MAGEE1: variants seen among roughly 807,000 people sequenced by gnomAD.
The protein encoded by MAGEE1 is melanoma-associated antigen E1.
A neutral mutation model predicts 12.0 loss-of-function variants in MAGEE1; 3 were observed. The observed-to-expected ratio is 0.25, with a 90% CI of 0.11 to 0.65. MAGEE1 has a LOEUF of 0.65. Ranked by LOEUF, MAGEE1 falls within the 30% of genes least tolerant of loss-of-function variation. The probability of loss-of-function intolerance (pLI) is 0.84; values close to 1 mark genes in which losing one functional copy is unlikely to be tolerated. For missense variants in MAGEE1, 729 were observed against 772.2 expected, an observed-to-expected ratio of 0.94 and a Z score of 0.66; for synonymous variants, 414 against 326.1, an observed-to-expected ratio of 1.27 and a Z score of -2.91.
Position 76,431,183 on chromosome X carries a change from G to T in MAGEE1, c.*379G>T, listed in dbSNP as rs1182602282. The T allele has an allele frequency of 7.0e-6, 1 of 143,742 alleles. No homozygotes were observed. The highest frequency in any genetic ancestry group is 2.1e-4 in the East Asian group (1 of 4,875). The allele number at this position is 143,742 out of a possible 1,213,427, so 11.8% of individuals were successfully genotyped here. On this transcript the variant is annotated 3_prime_UTR_variant, in exon 1 of 1. Coordinates refer to ENST00000361470, the MANE Select transcript of MAGEE1 (RefSeq NM_020932.3). ...CGCCAGTAAAATAATCTAGCTTAAA[G>T]TGATAAACTAACAAACAAATATAAC...
Position 76,427,954 on chromosome X carries a change from G to GCGC in MAGEE1, c.40_42dup (p.Arg14dup), listed in dbSNP as rs782476985. On this transcript the variant is annotated inframe_insertion, in exon 1 of 1. Transcript: ENST00000361470. ...CCATGTCTCTGGTAAGCCAGAATTC[G>GCGC]CGCCGCCGCCGCCGCCGCGTTGCAA... 1.4e-5 allele frequency: 17 copies of GCGC among 1,198,736 alleles called. No homozygotes were observed. The highest frequency in any genetic ancestry group is 3.0e-5 in the East Asian group (1 of 33,663).
Position 76,428,032 on chromosome X carries a change from C to G in MAGEE1, c.102C>G (p.Pro34=), listed in dbSNP as rs1460557371. Residue 34 remains proline (P), a synonymous_variant, in exon 1 of 1, where the codon CCC becomes CCG. Coordinates refer to ENST00000361470, the MANE Select transcript of MAGEE1 (RefSeq NM_020932.3). ...SWGEMQAPNA[P]GLPADVPGSD... is the part of the protein sequence containing the mutation. ...GCGAAATGCAGGCCCCTAATGCCCCCGGTCTCCCCGCTGATGTGCCAGGCT... is the reference window on the plus strand; with the variant it reads ...GCGAAATGCAGGCCCCTAATGCCCCGGGTCTCCCCGCTGATGTGCCAGGCT... 1 of 1,187,892 alleles carries G rather than the reference C, an allele frequency of 8.4e-7. No individual in the cohort carries two copies. The highest frequency in any genetic ancestry group is 1.8e-5 in the South Asian group (1 of 54,458).
chrX:76,430,702 G>A lies in MAGEE1; in HGVS notation c.2772G>A (p.Lys924=), dbSNP rs376923270. 26 of 1,209,381 alleles carry A rather than the reference G, an allele frequency of 2.1e-5. No individual in the cohort carries two copies. The highest frequency in any genetic ancestry group is 2.8e-5 in the Non-Finnish European group (25 of 895,151). ...GATATGTGGCCAGAATCCACAGAAA[G>A]GAACCACAGGACTGGCCACAGCAGT... ...ALRYVARIHR[K]EPQDWPQQYR... is the part of the protein sequence containing the mutation. Residue 924 remains lysine, a synonymous_variant, in exon 1 of 1, where the codon AAG becomes AAA. Coordinates refer to ENST00000361470, the MANE Select transcript of MAGEE1 (RefSeq NM_020932.3).
rs782800275 is a variant in MAGEE1 at position 76,427,889 on chromosome X, G to C, written c.-42G>C. The C allele has an allele frequency of 8.6e-7, 1 of 1,156,262 alleles. No homozygotes were observed. The highest frequency in any genetic ancestry group is 1.2e-6 in the Non-Finnish European group (1 of 866,743). On this transcript the variant is annotated 5_prime_UTR_variant, in exon 1 of 1. Transcript: ENST00000361470. ...GTCCTCTCTGCCAGATCGCGGGCCT[G>C]TCGGTGTCTGCTCCTACACGCCAAC... is the stretch of plus-strand genomic sequence containing the variant.
At position 76,429,334 on chromosome X, in the gene MAGEE1, C is replaced by T; in HGVS notation, c.1404C>T (p.Pro468=). ...EFEVLRDCES[P]NSISIMGLNT... ...AGGTCCTGAGAGACTGTGAGAGCCCCAACTCCATTAGTATTATGGGCCTCA... is the reference window on the plus strand; with the variant it reads ...AGGTCCTGAGAGACTGTGAGAGCCCTAACTCCATTAGTATTATGGGCCTCA... The change falls in exon 1 of 1, where the codon CCC becomes CCT. Residue 468 remains proline, a synonymous_variant. Transcript: ENST00000361470. The T allele has an allele frequency of 8.3e-7, 1 of 1,211,473 alleles. No homozygotes were observed. Among genetic ancestry groups the T allele is most frequent in the Non-Finnish European group, 1.1e-6 (1 of 895,367 alleles).
rs781982019 is a variant in MAGEE1 at position 76,430,982 on chromosome X, T to C, written c.*178T>C. 5 of 420,431 alleles carry C rather than the reference T, an allele frequency of 1.2e-5. No homozygotes were observed. Among genetic ancestry groups the C allele is most frequent in the Non-Finnish European group, 2.1e-5 (5 of 241,655 alleles). The allele number at this position is 420,431 out of a possible 1,213,427, so 34.6% of individuals were successfully genotyped here. A position where few individuals can be genotyped will look rare whatever the true frequency, so the allele number is the denominator to read the frequency against. ...TGGAAATGTTTCAACTGTTTTAATA[T>C]ATTGTCTGATTGGGTAAATGTGATT... On this transcript the variant is annotated 3_prime_UTR_variant, in exon 1 of 1. Transcript: ENST00000361470.
rs1556840019 is a variant in MAGEE1, at chrX:76,430,878, G to A, written c.*74G>A. 5 of 606,073 alleles carry A rather than the reference G, an allele frequency of 8.2e-6. No individual in the cohort carries two copies. Among genetic ancestry groups the A allele is most frequent in the Non-Finnish European group, 1.2e-5 (5 of 408,605 alleles). 49.9% of individuals were successfully genotyped at this position (606,073 alleles called of 1,213,427 possible). A position where few individuals can be genotyped will look rare whatever the true frequency, so the allele number is the denominator to read the frequency against. The stretch of plus-strand genomic sequence containing the variant: ...CTCAGTTCTCATGTATTGGGGGGTG[G>A]GGGTGGGTACATATTGTATTTGGTA... On this transcript the variant is annotated 3_prime_UTR_variant, in exon 1 of 1. Transcript: ENST00000361470.
At position 76,428,564 on chromosome X, in the gene MAGEE1, G is replaced by A; in HGVS notation, c.634G>A (p.Val212Met). 8.3e-7 allele frequency: 1 copy of A among 1,207,394 alleles called. No homozygotes were observed. The highest frequency in any genetic ancestry group is 1.1e-6 in the Non-Finnish European group (1 of 894,003). The change falls in exon 1 of 1, where the codon GTG becomes ATG. Residue 212 changes from valine (V) to methionine (M), a missense_variant. Physicochemically the swap from Val to Met is conservative, Grantham distance 21 (BLOSUM62 1). Coordinates refer to ENST00000361470, the MANE Select transcript of MAGEE1 (RefSeq NM_020932.3). ...ACCTGGTGAGGGACCAGGCACCTCCGTGCCGCTCGCCGCCACTGAGGGCCT... is the reference window on the plus strand; with the variant it reads ...ACCTGGTGAGGGACCAGGCACCTCCATGCCGCTCGCCGCCACTGAGGGCCT... ...PTPGEGPGTS[V>M]PLAATEGLST...
chrX:76,430,219 G>A lies in MAGEE1; in HGVS notation c.2289G>A (p.Lys763=). 8.3e-7 allele frequency: 1 copy of A among 1,211,882 alleles called. No homozygotes were observed. The highest frequency in any genetic ancestry group is 1.1e-6 in the Non-Finnish European group (1 of 895,589). Residue 763 remains lysine (K), a synonymous_variant, in exon 1 of 1, where the codon AAG becomes AAA. Transcript: ENST00000361470. ...VQLFLLMDST[K]LPIPKKGILY... Reference sequence around the variant, plus strand: ...TATTTCTGCTTATGGATTCAACTAAGCTGCCTATACCAAAGAAAGGAATTC... The same window carrying A: ...TATTTCTGCTTATGGATTCAACTAAACTGCCTATACCAAAGAAAGGAATTC...
rs369648965 is a variant in MAGEE1 at position 76,430,318 on chromosome X, T to C, written c.2388T>C (p.His796=). The part of the protein sequence containing the change: ...LLNRAARTLN[H]VYGTELVVLD... ...ATCGTGCTGCCCGCACCCTGAACCA[T>C]GTCTATGGGACAGAACTAGTGGTAC... Residue 796 remains histidine (H), a synonymous_variant, in exon 1 of 1, where the codon CAT becomes CAC. Transcript: ENST00000361470. The C allele has an allele frequency of 3.3e-6, 4 of 1,212,073 alleles. No individual in the cohort carries two copies. Among genetic ancestry groups the C allele is most frequent in the Non-Finnish European group, 4.5e-6 (4 of 895,621 alleles).
In MAGEE1 at chrX:76,427,847, G is replaced by A; in HGVS notation, c.-84G>A. 9.6e-7 allele frequency: 1 copy of A among 1,039,479 alleles called. No individual in the cohort carries two copies. The highest frequency in any genetic ancestry group is 2.3e-5 in the South Asian group (1 of 44,373). 85.7% of individuals were successfully genotyped at this position (1,039,479 alleles called of 1,213,427 possible). A position where few individuals can be genotyped will look rare whatever the true frequency, so the allele number is the denominator to read the frequency against. On this transcript the variant is annotated 5_prime_UTR_variant, in exon 1 of 1. Transcript: ENST00000361470. ...CCGCTAGCGGCAGTTTTGTGCCGAG[G>A]CACCTACACACCTCCCGTCCTCTCT...
rs782265283 is a variant in MAGEE1 at position 76,427,969 on chromosome X, C to G, written c.39C>G (p.Arg13=). 6 of 1,204,289 alleles carry G rather than the reference C, an allele frequency of 5.0e-6. No individual in the cohort carries two copies. The highest frequency in any genetic ancestry group is 6.7e-6 in the Non-Finnish European group (6 of 892,946). Residue 13 remains arginine, a synonymous_variant, in exon 1 of 1, where the codon CGC becomes CGG. Coordinates refer to ENST00000361470, the MANE Select transcript of MAGEE1 (RefSeq NM_020932.3). ...LVSQNSRRRR[R]RVAKATAHNS... ...GCCAGAATTCGCGCCGCCGCCGCCGCCGCGTTGCAAAGGCTACTGCGCACA... is the reference window on the plus strand; with the variant it reads ...GCCAGAATTCGCGCCGCCGCCGCCGGCGCGTTGCAAAGGCTACTGCGCACA...
At position 76,431,265 on chromosome X, in the gene MAGEE1, A is replaced by G. The variant is rs1448906285; in HGVS notation, c.*461A>G. 1.6e-5 allele frequency: 2 copies of G among 127,905 alleles called. No individual in the cohort carries two copies. Among genetic ancestry groups the G allele is most frequent in the Non-Finnish European group, 1.8e-5 (1 of 56,440 alleles). The allele number at this position is 127,905 out of a possible 1,213,427, so 10.5% of individuals were successfully genotyped here. A position where few individuals can be genotyped will look rare whatever the true frequency, so the allele number is the denominator to read the frequency against. Reference sequence around the variant, plus strand: ...GGCTTCCCTTTCTGTCTGCTATTGTATGAAGAATACTGATGTTTACCTGTA... The same window carrying G: ...GGCTTCCCTTTCTGTCTGCTATTGTGTGAAGAATACTGATGTTTACCTGTA... On this transcript the variant is annotated 3_prime_UTR_variant, in exon 1 of 1. Transcript: ENST00000361470.
chrX:76,429,051 AT>A lies in MAGEE1; in HGVS notation c.1122del (p.Asp374GlufsTer18), dbSNP rs1923312310. On this transcript the variant is annotated frameshift_variant, in exon 1 of 1. Transcript: ENST00000361470. LOFTEE classifies it low-confidence loss of function (END_TRUNC). ...ACCTCTGTGCCGCCCACCGCCTCTG[AT>A]GGATCGGACACCTCCGTGCCGCCCA... ...LSTSVPPTAS[D>X]GSDTSVPPTP... 8.3e-7 allele frequency: 1 copy of A among 1,210,774 alleles called. No homozygotes were observed. Among genetic ancestry groups the A allele is most frequent in the African/African-American group, 1.7e-5 (1 of 57,552 alleles).
Position 76,428,110 on chromosome X carries a change from C to T in MAGEE1, c.180C>T (p.Ala60=), listed in dbSNP as rs1923251875. The change falls in exon 1 of 1, where the codon GCC becomes GCT. Residue 60 remains alanine, a synonymous_variant. Coordinates refer to ENST00000361470, the MANE Select transcript of MAGEE1 (RefSeq NM_020932.3). Reference sequence around the variant, plus strand: ...CCCAGATCCTCCAGGGCCTCTGCGCCTCTGAGGGCCCAAGCACCTCCGTTC... The same window carrying T: ...CCCAGATCCTCCAGGGCCTCTGCGCTTCTGAGGGCCCAAGCACCTCCGTTC... ...SDSQILQGLC[A]SEGPSTSVLP... 1 of 1,187,727 alleles carries T rather than the reference C, an allele frequency of 8.4e-7. No homozygotes were observed. The highest frequency in any genetic ancestry group is 1.1e-6 in the Non-Finnish European group (1 of 883,639).
chrX:76,428,343 C>G lies in MAGEE1; in HGVS notation c.413C>G (p.Thr138Ser). 1 of 1,211,894 alleles carries G rather than the reference C, an allele frequency of 8.3e-7. No homozygotes were observed. The highest frequency in any genetic ancestry group is 1.1e-6 in the Non-Finnish European group (1 of 895,524). ...VTLAASEGRN[T>S]SRPPTSSEEP... ...CTTGCCGCCTCTGAGGGCCGGAACA[C>G]CTCCAGGCCGCCCACTTCCTCTGAG... is the stretch of plus-strand genomic sequence containing the variant. Residue 138 changes from threonine (T) to serine (S), a missense_variant, in exon 1 of 1, where the codon ACC (threonine) becomes AGC (serine). Physicochemically the swap from Thr to Ser is moderately conservative, Grantham distance 58 (BLOSUM62 1). Around this residue, in one of 4 missense-constraint regions of MAGEE1, gnomAD observed 473 missense variants for 423.7 expected, o/e 1.12. Transcript: ENST00000361470.
In MAGEE1 at chrX:76,430,751, G is replaced by T; in HGVS notation, c.2821G>T (p.Ala941Ser). Reference sequence around the variant, plus strand: ...GTACAGGGAGGCAATGGAAGATGAGGCCAATAGAGCTGATGTTGGGCACAG... The same window carrying T: ...GTACAGGGAGGCAATGGAAGATGAGTCCAATAGAGCTGATGTTGGGCACAG... ...QQYREAMEDE[A>S]NRADVGHRQI... Residue 941 changes from alanine (A) to serine (S), a missense_variant, in exon 1 of 1, where the codon GCC (alanine) becomes TCC (serine). By Grantham distance (99) the Ala-to-Ser change is moderately conservative (BLOSUM62 1). Transcript: ENST00000361470. The T allele has an allele frequency of 8.3e-7, 1 of 1,207,974 alleles. No homozygotes were observed. The highest frequency in any genetic ancestry group is 2.2e-5 in the Admixed American group (1 of 45,623).
rs782434779 is a variant in MAGEE1 at position 76,427,912 on chromosome X, A to G, written c.-19A>G. ...CTGTCGGTGTCTGCTCCTACACGCC[A>G]ACGCCGGTGGGCAGGACCATGTCTC... On this transcript the variant is annotated 5_prime_UTR_variant, in exon 1 of 1. Coordinates refer to ENST00000361470, the MANE Select transcript of MAGEE1 (RefSeq NM_020932.3). 1 of 1,176,055 alleles carries G rather than the reference A, an allele frequency of 8.5e-7. No individual in the cohort carries two copies. The highest frequency in any genetic ancestry group is 1.1e-6 in the Non-Finnish European group (1 of 877,788).
Position 76,430,793 on chromosome X carries a change from A to G in MAGEE1, c.2863A>G (p.Asn955Asp), listed in dbSNP as rs1365576935. Reference sequence around the variant, plus strand: ...TGGGCACAGGCAAATCTTTGTTCACAACTTCAGGTAGAGGAATGCATGGCA... The same window carrying G: ...TGGGCACAGGCAAATCTTTGTTCACGACTTCAGGTAGAGGAATGCATGGCA... ...DVGHRQIFVH[N>D]FR Residue 955 changes from asparagine to aspartate, a missense_variant, in exon 1 of 1, where the codon AAC becomes GAC. Coordinates refer to ENST00000361470, the MANE Select transcript of MAGEE1 (RefSeq NM_020932.3). 1.9e-5 allele frequency: 22 copies of G among 1,182,660 alleles called. No individual in the cohort carries two copies. The highest frequency in any genetic ancestry group is 2.3e-5 in the Admixed American group (1 of 44,022).
Sources: allele counts gnomAD v4.1 joint callset, GRCh38; gene constraint gnomAD v4.1.1; regional missense constraint gnomAD v4.1.1; transcripts MANE v1.5; gene names NCBI Gene and HGNC (gene_info 2026-07-23, HGNC 2026-07-21).